PDE7B: variants seen among roughly 807,000 people sequenced by gnomAD.
PDE7B encodes phosphodiesterase 7B, also known as 3',5'-cyclic-AMP phosphodiesterase 7B.
PDE7B carries 29 observed loss-of-function variants against 56.2 expected under a neutral mutation model. The observed-to-expected ratio is 0.52, with a 90% CI of 0.38 to 0.70. The LOEUF (loss-of-function observed/expected upper bound fraction) is 0.70, where lower values mean the gene tolerates loss of function less well. Among genes scored for constraint, PDE7B ranks in the 30% least tolerant of loss-of-function variants. PDE7B has a pLI of 0.00. For missense variants in PDE7B, 490 were observed against 565.0 expected, an observed-to-expected ratio of 0.87 and a Z score of 1.35; for synonymous variants, 197 against 196.9, an observed-to-expected ratio of 1.00 and a Z score of 0.00.
intron 2 of PDE7B, among the ~76,000 whole-genome samples, chr6:135,997,757 A>G (rs1294706602): frequency 6.6e-6 from 1 of 152,200 alleles, no homozygotes; most frequent in Non-Finnish European, 1.5e-5. Context: ...TAAATGGAGA[A>G]GGAGAACACA....
intron 8 of PDE7B, 39 bp from the exon 9 acceptor site, chr6:136,173,758 T>G: frequency 6.9e-6 from 9 of 1,302,198 alleles, no homozygotes; most frequent in South Asian, 1.2e-5. Context: ...AGTATCTGGC[T>G]TCCCTCTCAT....
intron 2 of PDE7B, among the ~76,000 whole-genome samples, chr6:136,078,187 C>T (rs1029438521): frequency 1.3e-5 from 2 of 152,170 alleles, no homozygotes; most frequent in Admixed American, 1.3e-4. Context: ...GAAGATAGGG[C>T]TTTCCACTGA....
rs1562507685 is a variant in PDE7B, at chr6:136,154,058, A to G, written c.479-17A>G. The G allele has an allele frequency of 4.4e-6, 7 of 1,574,938 alleles. No homozygotes were observed. Among genetic ancestry groups the G allele is most frequent in the Non-Finnish European group, 5.2e-6 (6 of 1,144,800 alleles). The stretch of plus-strand genomic sequence containing the variant: ...TATTTGGGTTTTAGTTGATTGAGTT[A>G]TCTGTTTACCTCCCAGTCATGGTTC... On this transcript the variant is annotated splice_polypyrimidine_tract_variant and intron_variant, in intron 6 of 12. Transcript: ENST00000308191.
At chr6:136,171,524 A>T (rs979304874) in intron 8 of PDE7B, among the ~76,000 whole-genome samples, 2 of 152,174 alleles carry the variant, frequency 1.3e-5, no homozygotes, top group Admixed American at 6.5e-5. Flanking sequence ...AGTGCAGTAG[A>T]TTAGACCAGA....
chr6:135,923,569 A>G (rs897604227), intron 1 of PDE7B, among the ~76,000 whole-genome samples: 1 of 152,322 alleles, frequency 6.6e-6, no homozygotes, highest in South Asian at 2.1e-4. Context: ...GGTTATACCA[A>G]TCTCAGATAA....
At chr6:136,053,213 C>T (rs1776664616) in intron 2 of PDE7B, among the ~76,000 whole-genome samples, 1 of 116,660 alleles carries the variant, frequency 8.6e-6, no homozygotes, top group South Asian at 3.6e-4. Flanking sequence ...TCCCCCCTCC[C>T]CCCACCCCAC....
chr6:136,080,989 G>T (rs1777198342), intron 2 of PDE7B, among the ~76,000 whole-genome samples: 1 of 152,142 alleles, frequency 6.6e-6, no homozygotes, highest in South Asian at 2.1e-4. Flanking sequence ...ACACAGTGAA[G>T]GTAGATAGAA....
chr6:136,162,524 A>G (rs1041786252), intron 8 of PDE7B, among the ~76,000 whole-genome samples: 3 of 152,170 alleles, frequency 2.0e-5, no homozygotes, highest in African/African-American at 7.2e-5. Context: ...TTGGATAGGA[A>G]CACAGCCACA....
intron 2 of PDE7B, among the ~76,000 whole-genome samples, chr6:136,018,114 G>C (rs930569674): frequency 6.6e-6 from 1 of 152,146 alleles, no homozygotes; most frequent in African/African-American, 2.4e-5. Context: ...TTTATCTATA[G>C]TTTCCATGCA....
At chr6:136,165,947 C>T (rs1778785637) in intron 8 of PDE7B, among the ~76,000 whole-genome samples, 1 of 152,196 alleles carries the variant, frequency 6.6e-6, no homozygotes, top group Admixed American at 6.5e-5. Context: ...GAGTCTCTGT[C>T]ATACGTGATG....
intron 1 of PDE7B, among the ~76,000 whole-genome samples, chr6:135,862,899 A>G (rs557040122): frequency 1.3e-5 from 2 of 152,022 alleles, no homozygotes; most frequent in Admixed American, 6.6e-5. Flanking sequence ...GACAATTTCA[A>G]TTATAATTTG....
Position 135,891,246 on chromosome 6 carries a change from C to G in PDE7B, c.21+39227C>G, listed in dbSNP as rs143560582. ...AAAGCAGAAGCCATACATTTATTTTCAAGATGAGAACCCAAAGAGTAACAA... is the reference window on the plus strand; with the variant it reads ...AAAGCAGAAGCCATACATTTATTTTGAAGATGAGAACCCAAAGAGTAACAA... On this transcript the variant is annotated intron_variant, in intron 1 of 12. Transcript: ENST00000308191. 2.3e-4 allele frequency among the ~76,000 whole-genome samples: 35 copies of G among 152,242 alleles called. 1 individual carries two copies. In the East Asian group the frequency reaches 5.8e-3, roughly 25 times the overall value.
chr6:135,990,404 G>GT (rs758790015), intron 2 of PDE7B, among the ~76,000 whole-genome samples: 2 of 152,136 alleles, frequency 1.3e-5, no homozygotes, highest in Admixed American at 6.5e-5. Context: ...CCAGCAATCT[G>GT]TTTTGAAAAT....
intron 2 of PDE7B, among the ~76,000 whole-genome samples, chr6:136,059,958 T>G (rs1468806698): frequency 1.3e-5 from 2 of 152,150 alleles, no homozygotes; most frequent in Non-Finnish European, 2.9e-5. Context: ...GACATACCAA[T>G]TACAGCCCTT....
chr6:136,051,946 T>G (rs1480388425), intron 2 of PDE7B, among the ~76,000 whole-genome samples: 2 of 151,876 alleles, frequency 1.3e-5, no homozygotes, highest in Non-Finnish European at 2.9e-5. Flanking sequence ...AACTTGACCA[T>G]TATATAATAA....
intron 2 of PDE7B, among the ~76,000 whole-genome samples, chr6:135,976,463 C>T (rs1308561600): frequency 6.6e-6 from 1 of 152,154 alleles, no homozygotes; most frequent in Non-Finnish European, 1.5e-5. Flanking sequence ...TGATAATACA[C>T]CTGTTTACAG....
At chr6:135,881,219 C>T (rs1400369889) in intron 1 of PDE7B, among the ~76,000 whole-genome samples, 1 of 151,766 alleles carries the variant, frequency 6.6e-6, no homozygotes, top group African/African-American at 2.4e-5. Flanking sequence ...AGTAAGGGGC[C>T]AGGCACGGTG....
At chr6:136,033,426 GA>G (rs1396066868) in intron 2 of PDE7B, among the ~76,000 whole-genome samples, 1 of 152,134 alleles carries the variant, frequency 6.6e-6, no homozygotes, top group African/African-American at 2.4e-5. Flanking sequence ...CTGAAAACCA[GA>G]ATTAGGGCAC....
At chr6:135,994,393 A>G (rs1055688415) in intron 2 of PDE7B, among the ~76,000 whole-genome samples, 2 of 152,220 alleles carry the variant, frequency 1.3e-5, no homozygotes, top group Non-Finnish European at 2.9e-5. Context: ...GGGCTGAGTT[A>G]CACAAATTTT....
Sources: allele counts gnomAD v4.1 joint callset (sites outside exome capture counted in the v4.1 genomes callset), GRCh38; gene constraint gnomAD v4.1.1; transcripts MANE v1.5; gene names NCBI Gene and HGNC (gene_info 2026-07-23, HGNC 2026-07-21).